The following CDH20 variants were observed in gnomAD, a reference collection of about 807,000 sequenced individuals.
CDH20 encodes the protein cadherin 20.
A neutral mutation model predicts 74.2 loss-of-function variants in CDH20; 29 were observed. The observed-to-expected ratio is 0.39, with a 90% CI of 0.29 to 0.53. The LOEUF (loss-of-function observed/expected upper bound fraction) is 0.53, where lower values mean the gene tolerates loss of function less well. Ranked by LOEUF, CDH20 falls within the 20% of genes least tolerant of loss-of-function variation. The pLI is 0.69. For missense variants in CDH20, 988 were observed against 1,048.3 expected (o/e 0.94, Z 0.79); for synonymous variants, 469 against 405.4 (o/e 1.16, Z -1.88).
chr18:61,389,263 C>G (rs191713888), intron 1 of CDH20, among the ~76,000 whole-genome samples: 3 of 152,142 alleles, frequency 2.0e-5, no homozygotes, highest in African/African-American at 7.2e-5. Context: ...GCTCATTTTA[C>G]AACGAGAAAA....
At chr18:61,440,047 C>G (rs73447397) in intron 1 of CDH20, among the ~76,000 whole-genome samples, 3 of 152,110 alleles carry the variant, frequency 2.0e-5, no homozygotes, top group Non-Finnish European at 4.4e-5. Context: ...CCCATTTTGC[C>G]TTCTGAAGAG....
intron 1 of CDH20, among the ~76,000 whole-genome samples, chr18:61,474,005 T>C (rs1386618660): frequency 6.6e-6 from 1 of 152,210 alleles, no homozygotes; most frequent in Non-Finnish European, 1.5e-5. Context: ...CTTACTACTA[T>C]GTAAAATCAG....
At chr18:61,436,869 A>G (rs1908855989) in intron 1 of CDH20, among the ~76,000 whole-genome samples, 1 of 152,194 alleles carries the variant, frequency 6.6e-6, no homozygotes, top group Non-Finnish European at 1.5e-5. Flanking sequence ...AGTAGTTAAA[A>G]GTACAGCCTG....
At chr18:61,491,421 CA>C (rs1910956461) in intron 2 of CDH20, among the ~76,000 whole-genome samples, 1 of 152,136 alleles carries the variant, frequency 6.6e-6, no homozygotes, top group South Asian at 2.1e-4. Context: ...TGAAAGCAAC[CA>C]AGTGAGAGAG....
chr18:61,483,844 G>C (rs561269871), intron 1 of CDH20, among the ~76,000 whole-genome samples: 175 of 152,290 alleles, frequency 1.1e-3, no homozygotes, highest in African/African-American at 4.1e-3. Context: ...GAGACATAAA[G>C]AGATGAAGTC....
chr18:61,456,377 T>G (rs1471865086), intron 1 of CDH20, among the ~76,000 whole-genome samples: 1 of 152,214 alleles, frequency 6.6e-6, no homozygotes, highest in Non-Finnish European at 1.5e-5. Flanking sequence ...TCATTGTTCC[T>G]GGGTAAGACC....
At chr18:61,341,377 T>C (rs1909942518) in intron 1 of CDH20, among the ~76,000 whole-genome samples, 1 of 151,910 alleles carries the variant, frequency 6.6e-6, no homozygotes. Flanking sequence ...AAGAATTTCA[T>C]TCATAAGGGC....
At chr18:61,496,822 T>A (rs1459276059) in intron 2 of CDH20, among the ~76,000 whole-genome samples, 1 of 152,244 alleles carries the variant, frequency 6.6e-6, no homozygotes, top group Non-Finnish European at 1.5e-5. Context: ...TTAAAAGTCC[T>A]ATGCCACATG....
chr18:61,386,403 C>G (rs1911601980), intron 1 of CDH20, among the ~76,000 whole-genome samples: 1 of 152,188 alleles, frequency 6.6e-6, no homozygotes, highest in Non-Finnish European at 1.5e-5. Context: ...AAGGCACTAT[C>G]TATGAACAAT....
At chr18:61,351,908 G>A (rs974521813) in intron 1 of CDH20, among the ~76,000 whole-genome samples, 2 of 152,124 alleles carry the variant, frequency 1.3e-5, no homozygotes, top group African/African-American at 4.8e-5. Flanking sequence ...CCCTCAAAAT[G>A]CTTCTGCAAT....
At chr18:61,546,165 G>T (rs976790977) in intron 10 of CDH20, among the ~76,000 whole-genome samples, 2 of 152,172 alleles carry the variant, frequency 1.3e-5, no homozygotes, top group African/African-American at 4.8e-5. Context: ...TTTTCATTCC[G>T]ATTCTAAAAT....
intron 7 of CDH20, among the ~76,000 whole-genome samples, chr18:61,531,085 AT>A (rs11366637): frequency 0.039 from 5,935 of 152,230 alleles, 135 homozygotes; most frequent in Middle Eastern, 0.061. Flanking sequence ...TACACCTTTA[AT>A]TTTTCTCCTG....
At chr18:61,489,508 A>G (rs1910881109) in intron 1 of CDH20, among the ~76,000 whole-genome samples, 1 of 151,784 alleles carries the variant, frequency 6.6e-6, no homozygotes. Flanking sequence ...GAAAAGATTG[A>G]TGAGGCCATA....
chr18:61,541,380 G>T (rs375002902), intron 9 of CDH20, among the ~76,000 whole-genome samples: 91 of 152,062 alleles, frequency 6.0e-4, no homozygotes, highest in African/African-American at 2.1e-3. Flanking sequence ...TACAAAGAGG[G>T]TGATAAGTAG....
intron 2 of CDH20, among the ~76,000 whole-genome samples, chr18:61,496,340 T>C (rs1165666395): frequency 7.1e-6 from 1 of 141,422 alleles, no homozygotes; most frequent in African/African-American, 2.7e-5. Flanking sequence ...ATGTGCACAC[T>C]TGCACATGCA....
At chr18:61,414,400 G>C (rs1912618101) in intron 1 of CDH20, among the ~76,000 whole-genome samples, 2 of 152,132 alleles carry the variant, frequency 1.3e-5, no homozygotes, top group South Asian at 4.1e-4. Flanking sequence ...CTCACATTGT[G>C]CAAGACAGTA....
chr18:61,334,642 C>A (rs547146306), intron 1 of CDH20, among the ~76,000 whole-genome samples: 5 of 152,102 alleles, frequency 3.3e-5, no homozygotes, highest in African/African-American at 7.2e-5. Context: ...ACTGCAGCAG[C>A]CTTTGCCTAG....
At chr18:61,520,209 G>A (rs1302756064) in intron 6 of CDH20, among the ~76,000 whole-genome samples, 7 of 149,680 alleles carry the variant, frequency 4.7e-5, no homozygotes, top group Middle Eastern at 3.4e-3. Context: ...CCAGCTACTC[G>A]GGAGGCTGAG....
chr18:61,417,730 T>C (rs1410000374), intron 1 of CDH20, among the ~76,000 whole-genome samples: 1 of 151,996 alleles, frequency 6.6e-6, no homozygotes, highest in African/African-American at 2.4e-5. Flanking sequence ...AGGAGTAAGA[T>C]CTACTGTTTG....
Sources: gnomAD v4.1 joint callset for allele counts (sites outside exome capture counted in the v4.1 genomes callset) on GRCh38, gnomAD v4.1.1 for gene constraint, MANE v1.5 for transcripts, NCBI Gene and HGNC (gene_info 2026-07-23, HGNC 2026-07-21) for gene names.